Variants in RAB3GAP2 observed in about 807,000 individuals in gnomAD.
The protein encoded by RAB3GAP2 is rab3 GTPase-activating protein non-catalytic subunit.
In RAB3GAP2, 87 loss-of-function variants were observed where a neutral mutation model predicts 185.3. That is an observed-to-expected ratio of 0.47 (90% confidence interval 0.39 to 0.56). The LOEUF is 0.56. Ranked by LOEUF, RAB3GAP2 falls within the 20% of genes least tolerant of loss-of-function variation. The pLI, the probability that RAB3GAP2 is intolerant of heterozygous loss-of-function variation, is 0.00. For missense variants in RAB3GAP2, 1,492 were observed against 1,638.2 expected, an observed-to-expected ratio of 0.91 and a Z score of 1.54; for synonymous variants, 554 against 576.1, an observed-to-expected ratio of 0.96 and a Z score of 0.55.
chr1:220,212,946 T>C lies in RAB3GAP2; in HGVS notation c.327A>G (p.Lys109=). Residue 109 remains lysine (K), a synonymous_variant, in exon 4 of 35, where the codon AAA becomes AAG. Coordinates refer to ENST00000358951, the MANE Select transcript of RAB3GAP2 (RefSeq NM_012414.4). ...CAGCAAATTGCATTTCTTCCTTTCCTTTATCACTATATTTCCATTTTGCTG... is the reference window on the plus strand; with the variant it reads ...CAGCAAATTGCATTTCTTCCTTTCCCTTATCACTATATTTCCATTTTGCTG... The part of the protein sequence containing the change: ...FLVPKWKYSD[K]GKEEMQFAVG... The C allele has an allele frequency of 6.2e-7, 1 of 1,612,532 alleles. No homozygotes were observed. The highest frequency in any genetic ancestry group is 8.5e-7 in the Non-Finnish European group (1 of 1,178,748).
intron 1 of RAB3GAP2, among the ~76,000 whole-genome samples, chr1:220,249,161 G>T (rs559407532): frequency 6.6e-6 from 1 of 152,308 alleles, no homozygotes; most frequent in South Asian, 2.1e-4. Flanking sequence ...GGGCTCAGAA[G>T]AAGACAGGAA....
chr1:220,226,941 A>T (rs2102888902), intron 2 of RAB3GAP2, among the ~76,000 whole-genome samples: 1 of 152,318 alleles, frequency 6.6e-6, no homozygotes, highest in Non-Finnish European at 1.5e-5. Flanking sequence ...CCCTCCCAGC[A>T]TGTGTACATA....
chr1:220,234,852 T>C (rs1659563370), intron 1 of RAB3GAP2, among the ~76,000 whole-genome samples: 1 of 152,180 alleles, frequency 6.6e-6, no homozygotes, highest in Non-Finnish European at 1.5e-5. Context: ...TCAACATGAA[T>C]GAAAGAGGCA....
rs780653703 is a variant in RAB3GAP2, at chr1:220,196,344, C to G, written c.866G>C (p.Gly289Ala). 2 of 1,607,596 alleles carry G rather than the reference C, an allele frequency of 1.2e-6. No homozygotes were observed. Among genetic ancestry groups the G allele is most frequent in the East Asian group, 4.5e-5 (2 of 44,802 alleles). Residue 289 changes from glycine to alanine, a missense_variant, in exon 10 of 35, where the codon GGA (glycine) becomes GCA (alanine). Physicochemically the swap from Gly to Ala is moderately conservative, Grantham distance 60. Around this residue, in one of 5 missense-constraint regions of RAB3GAP2, gnomAD observed 243 missense variants for 314.8 expected, o/e 0.77. Transcript: ENST00000358951. Reference sequence around the variant, plus strand: ...ACTATTTTTAATTGCTGCATTAAATCCACCTATATTGGAGGCAGTCTTCAT... The same window carrying G: ...ACTATTTTTAATTGCTGCATTAAATGCACCTATATTGGAGGCAGTCTTCAT... ...DQMKTASNIGGFNAAIKNSPP... is the reference protein window; with the variant it reads ...DQMKTASNIGAFNAAIKNSPP...
At chr1:220,223,574 A>G (rs12086105) in intron 2 of RAB3GAP2, among the ~76,000 whole-genome samples, 14,863 of 152,166 alleles carry the variant, frequency 0.098, 1,151 homozygotes, top group African/African-American at 0.21. Flanking sequence ...ATGATAACAT[A>G]CTAGGAGTCA....
chr1:220,210,231 C>T (rs2102880055), intron 7 of RAB3GAP2, 157 bp downstream of exon 7: 2 of 706,050 alleles, frequency 2.8e-6, no homozygotes, highest in East Asian at 5.1e-5. Flanking sequence ...ATTCTTTACT[C>T]AGCTACAAAT....
intron 2 of RAB3GAP2, among the ~76,000 whole-genome samples, chr1:220,227,801 G>T (rs533194921): frequency 6.6e-6 from 1 of 152,312 alleles, no homozygotes; most frequent in South Asian, 2.1e-4. Flanking sequence ...GCTCAGGCTG[G>T]AGTGCAGTGG....
intron 14 of RAB3GAP2, 23 bp from the exon 15 acceptor site, chr1:220,190,543 TG>T: frequency 3.2e-6 from 5 of 1,569,454 alleles, no homozygotes; most frequent in Non-Finnish European, 4.4e-6. Context: ...CATACCAATA[TG>T]GTAAAAATAT....
chr1:220,181,228 C>A (rs899396806), intron 21 of RAB3GAP2, among the ~76,000 whole-genome samples: 5 of 152,112 alleles, frequency 3.3e-5, no homozygotes, highest in East Asian at 1.9e-4. Flanking sequence ...TTCAAGGGAT[C>A]CTCATGCCTC....
rs200686623 is a variant in RAB3GAP2 at position 220,190,348 on chromosome 1, G to A, written c.1631+29C>T. The A allele has an allele frequency of 1.5e-4, 243 of 1,613,768 alleles. 1 individual carries two copies. The highest frequency in any genetic ancestry group is 6.6e-4 in the Middle Eastern group (4 of 6,062). Reference sequence around the variant, plus strand: ...AACTAGGAAAAGTTAGCAGAGGAGCGTCAATCAGCAACACTGGACACACCT... The same window carrying A: ...AACTAGGAAAAGTTAGCAGAGGAGCATCAATCAGCAACACTGGACACACCT... On this transcript the variant is annotated intron_variant, in intron 15 of 34. Transcript: ENST00000358951.
At chr1:220,157,215 G>T in intron 31 of RAB3GAP2, 55 bp downstream of exon 31, 2 of 1,431,430 alleles carry the variant, frequency 1.4e-6, no homozygotes, top group Non-Finnish European at 2.0e-6. Context: ...GAAAATCCAT[G>T]TGTCTGCTAA....
intron 32 of RAB3GAP2, chr1:220,153,746 C>G: frequency 4.0e-6 from 2 of 499,476 alleles, no homozygotes; most frequent in South Asian, 4.1e-5. Context: ...TGCTATCCCT[C>G]CCCCTTCCCC....
chr1:220,254,322 T>C, intron 1 of RAB3GAP2: 2 of 1,613,512 alleles, frequency 1.2e-6, no homozygotes, highest in Non-Finnish European at 8.5e-7. Flanking sequence ...ATCATCCCGA[T>C]GCACCCATGT....
intron 2 of RAB3GAP2, among the ~76,000 whole-genome samples, chr1:220,229,102 A>G (rs183335784): frequency 2.9e-4 from 44 of 152,326 alleles, no homozygotes; most frequent in Admixed American, 2.9e-3. Context: ...TATAAAGGAA[A>G]TGTGTTAACA....
chr1:220,151,800 A>C (rs780042378), intron 33 of RAB3GAP2, 36 bp from the exon 34 acceptor site: 5 of 1,559,538 alleles, frequency 3.2e-6, no homozygotes, highest in Non-Finnish European at 3.5e-6. Context: ...ATACAGTCAG[A>C]GTGAGCAGAT....
At chr1:220,238,742 A>G (rs879089741) in intron 1 of RAB3GAP2, among the ~76,000 whole-genome samples, 1 of 152,204 alleles carries the variant, frequency 6.6e-6, no homozygotes, top group Admixed American at 6.5e-5. Context: ...TCCTTTATGA[A>G]GTTTTCTTGC....
intron 1 of RAB3GAP2, among the ~76,000 whole-genome samples, chr1:220,268,132 A>G (rs1003152038): frequency 6.6e-6 from 1 of 152,226 alleles, no homozygotes; most frequent in Non-Finnish European, 1.5e-5. Context: ...AACATTTATA[A>G]CATTAATAAA....
chr1:220,176,181 C>T (rs1658286060), intron 21 of RAB3GAP2, among the ~76,000 whole-genome samples: 1 of 152,090 alleles, frequency 6.6e-6, no homozygotes, highest in Non-Finnish European at 1.5e-5. Flanking sequence ...GATATTCTAA[C>T]AGTCACAACA....
chr1:220,199,529 C>G (rs770221289), intron 9 of RAB3GAP2, among the ~76,000 whole-genome samples: 1 of 151,950 alleles, frequency 6.6e-6, no homozygotes, highest in East Asian at 1.9e-4. Flanking sequence ...CACAGTAAAC[C>G]ACTCCCTCTC....
Sources: allele counts gnomAD v4.1 joint callset (sites outside exome capture counted in the v4.1 genomes callset), GRCh38; gene constraint gnomAD v4.1.1; regional missense constraint gnomAD v4.1.1; transcripts MANE v1.5; gene names NCBI Gene and HGNC (gene_info 2026-07-23, HGNC 2026-07-21).